Variants in F8 observed in about 807,000 individuals in gnomAD.
F8 encodes coagulation factor VIII, also known as antihemophilic factor.
Under a neutral mutation model 140.6 loss-of-function variants are expected in F8, and 12 were observed. The ratio of observed to expected loss-of-function variants is 0.09; its 90% CI spans 0.05 to 0.14. F8 has a LOEUF of 0.14. F8 is among the 10% of genes least tolerant of loss of function. F8 has a pLI of 1.00. For missense variants in F8, 1,354 were observed against 1,720.7 expected (o/e 0.79, Z 3.77); for synonymous variants, 585 against 614.6 (o/e 0.95, Z 0.71).
At chrX:154,956,822 C>T (rs782630396) in intron 11 of F8, 135 bp downstream of exon 11, 35 of 609,496 alleles carry the variant, frequency 5.7e-5, no homozygotes, top group Non-Finnish European at 8.4e-5. Context: ...ACGTTTACTA[C>T]GTGAAACTCA....
chrX:154,929,169 C>T lies in F8; in HGVS notation c.4621G>A (p.Glu1541Lys). 8.3e-7 allele frequency: 1 copy of T among 1,211,708 alleles called. No individual in the cohort carries two copies. Among genetic ancestry groups the T allele is most frequent in the South Asian group, 1.8e-5 (1 of 56,991 alleles). ...NGSPGHLDLVEGSLLQGTEGA... is the reference protein window; with the variant it reads ...NGSPGHLDLVKGSLLQGTEGA... ...TCTGTTCCCTGAAGAAGGCTCCCTT[C>T]CACGAGATCCAGATGGCCAGGAGAC... The change falls in exon 14 of 26, where the codon GAA becomes AAA. Residue 1541 changes from glutamate (E) to lysine (K), a missense_variant. Physicochemically the swap from Glu to Lys is moderately conservative, Grantham distance 56. Around this residue, in one of 4 missense-constraint regions of F8, gnomAD observed 658 missense variants for 666.5 expected, o/e 0.99. Coordinates refer to ENST00000360256, the MANE Select transcript of F8 (RefSeq NM_000132.4).
At chrX:154,946,056 A>T (rs782170426) in intron 13 of F8, among the ~76,000 whole-genome samples, 42 of 111,985 alleles carry the variant, frequency 3.8e-4, no homozygotes, top group Non-Finnish European at 6.6e-4. Context: ...CTATAATGAA[A>T]ACTAAAATAC....
chrX:154,895,947 A>G, intron 22 of F8, 130 bp downstream of exon 22: 2 of 654,052 alleles, frequency 3.1e-6, no homozygotes, highest in South Asian at 2.3e-5. Context: ...TAATAACTCT[A>G]TTGCTCATAA....
At chrX:155,022,282 CCAGAAATGTT>C in intron 1 of F8, 118 bp downstream of exon 1, 1 of 691,168 alleles carries the variant, frequency 1.4e-6, no homozygotes, top group Non-Finnish European at 2.3e-6. Context: ...CACACCTTAC[CCAGAAATGTT>C]TCTTTGGGGC....
chrX:154,998,396 G>A, intron 2 of F8, among the ~76,000 whole-genome samples: 1 of 113,072 alleles, frequency 8.8e-6, no homozygotes, highest in Non-Finnish European at 1.9e-5. Context: ...GGAAAGGAGG[G>A]GGGAGGGTAA....
chrX:154,934,023 C>A (rs1480665642), intron 13 of F8, among the ~76,000 whole-genome samples: 2 of 111,665 alleles, frequency 1.8e-5, no homozygotes, highest in Non-Finnish European at 3.8e-5. Context: ...TAGATGGTCA[C>A]CCACTGTGCC....
chrX:154,962,501 G>A (rs1014611266), intron 9 of F8, among the ~76,000 whole-genome samples: 2 of 112,007 alleles, frequency 1.8e-5, no homozygotes, highest in Admixed American at 9.5e-5. Flanking sequence ...CAGTGCATGA[G>A]CAGGCATGAC....
intron 14 of F8, among the ~76,000 whole-genome samples, chrX:154,925,638 T>C (rs140045949): frequency 5.3e-5 from 6 of 112,765 alleles, no homozygotes; most frequent in African/African-American, 1.9e-4. Context: ...GACTGCCCCG[T>C]AGAATTTCAG....
chrX:154,986,953 A>T (rs1394147337), intron 5 of F8, among the ~76,000 whole-genome samples: 2 of 111,654 alleles, frequency 1.8e-5, no homozygotes, highest in Non-Finnish European at 3.8e-5. Context: ...ACTTAATAAT[A>T]GATGAAGATA....
At chrX:154,985,183 C>G (rs951521605) in intron 5 of F8, among the ~76,000 whole-genome samples, 2 of 111,803 alleles carry the variant, frequency 1.8e-5, no homozygotes, top group Non-Finnish European at 3.8e-5. Context: ...CACCTGTAAT[C>G]GTAGCACTCT....
chrX:154,979,589 G>A (rs1557283333), intron 6 of F8, among the ~76,000 whole-genome samples: 1 of 111,992 alleles, frequency 8.9e-6, no homozygotes, highest in Non-Finnish European at 1.9e-5. Context: ...GGGAGTAGCT[G>A]TAGGCAGGTA....
At chrX:155,005,996 C>T (rs1359184028) in intron 1 of F8, among the ~76,000 whole-genome samples, 1 of 111,146 alleles carries the variant, frequency 9.0e-6, no homozygotes, top group Non-Finnish European at 1.9e-5. Context: ...GATCCCCCTC[C>T]TATAAACTTT....
intron 25 of F8, among the ~76,000 whole-genome samples, chrX:154,850,288 C>G (rs1557272058): frequency 9.1e-6 from 1 of 109,504 alleles, no homozygotes; most frequent in South Asian, 4.0e-4. Flanking sequence ...GCCAGCATGT[C>G]CAGCTAATTT....
intron 20 of F8, among the ~76,000 whole-genome samples, chrX:154,900,329 G>A (rs1557275840): frequency 1.8e-5 from 2 of 110,764 alleles, no homozygotes; most frequent in African/African-American, 6.6e-5. Context: ...CACCTCCTGA[G>A]TTCAAGCAAT....
chrX:154,962,319 C>T (rs1557281642), intron 9 of F8, among the ~76,000 whole-genome samples: 1 of 112,238 alleles, frequency 8.9e-6, no homozygotes, highest in Admixed American at 9.4e-5. Flanking sequence ...CCCCTTTCCA[C>T]TTCTTTAAAA....
chrX:154,947,141 C>T (rs996656264), intron 13 of F8, among the ~76,000 whole-genome samples: 1 of 99,321 alleles, frequency 1.0e-5, no homozygotes, highest in East Asian at 3.6e-4. Context: ...AGGAGAATGG[C>T]GTGAACCCGG....
chrX:154,999,677 C>G, intron 1 of F8, 77 bp from the exon 2 acceptor site: 1 of 1,113,859 alleles, frequency 9.0e-7, no homozygotes, highest in South Asian at 1.8e-5. Flanking sequence ...TTCCATACTA[C>G]TCTTTTCTAC....
At chrX:154,939,311 C>A (rs1043508533) in intron 13 of F8, among the ~76,000 whole-genome samples, 51 of 112,250 alleles carry the variant, frequency 4.5e-4, no homozygotes, top group African/African-American at 1.6e-3. Context: ...CGGGTCACTC[C>A]CACCCTAATA....
At chrX:154,912,929 C>T (rs967235750) in intron 14 of F8, among the ~76,000 whole-genome samples, 1 of 110,734 alleles carries the variant, frequency 9.0e-6, no homozygotes, top group East Asian at 2.8e-4. Flanking sequence ...AACTTACTCA[C>T]TGTCATGAGA....
Sources: allele counts gnomAD v4.1 joint callset (sites outside exome capture counted in the v4.1 genomes callset), GRCh38; gene constraint gnomAD v4.1.1; regional missense constraint gnomAD v4.1.1; transcripts MANE v1.5; gene names NCBI Gene and HGNC (gene_info 2026-07-23, HGNC 2026-07-21).